The following ZC3H11A variants were observed in gnomAD, a reference collection of about 807,000 sequenced individuals.
ZC3H11A encodes the protein zinc finger CCCH domain-containing protein 11A.
ZC3H11A carries 22 observed loss-of-function variants against 90.8 expected under a neutral mutation model. That is an observed-to-expected ratio of 0.24 (90% CI 0.17 to 0.35). The LOEUF is 0.35. Among genes scored for constraint, ZC3H11A ranks in the 10% least tolerant of loss-of-function variants. The pLI is 1.00. For missense variants in ZC3H11A, 701 were observed against 964.9 expected, an observed-to-expected ratio of 0.73 and a Z score of 3.62; for synonymous variants, 294 against 339.8, an observed-to-expected ratio of 0.87 and a Z score of 1.48.
intron 9 of ZC3H11A, among the ~76,000 whole-genome samples, chr1:203,832,288 C>A (rs967486670): frequency 6.6e-6 from 1 of 151,472 alleles, no homozygotes; most frequent in African/African-American, 2.4e-5. Context: ...CTCAAACTCC[C>A]GACCTCAGGT....
chr1:203,805,127 T>A (rs1025815911), intron 2 of ZC3H11A, among the ~76,000 whole-genome samples: 1 of 148,774 alleles, frequency 6.7e-6, no homozygotes, highest in African/African-American at 2.5e-5. Flanking sequence ...AAATACCCAC[T>A]TCTGATACAG....
chr1:203,848,329 A>C lies in ZC3H11A; in HGVS notation c.1547-2A>C. 1.2e-6 allele frequency: 2 copies of C among 1,611,186 alleles called. No individual in the cohort carries two copies. The highest frequency in any genetic ancestry group is 1.7e-6 in the Non-Finnish European group (2 of 1,178,696). ...CTAATGATGTCTTTAATGTGAATAC[A>C]GGGATGAAAGAAGAGAAGAACCTTC... On this transcript the variant is annotated splice_acceptor_variant, in intron 13 of 17. Coordinates refer to ENST00000367210, the MANE Select transcript of ZC3H11A (RefSeq NM_001376342.1). LOFTEE classifies it high-confidence loss of function.
chr1:203,831,805 C>T, intron 9 of ZC3H11A, 34 bp downstream of exon 9: 4 of 1,538,610 alleles, frequency 2.6e-6, no homozygotes, highest in East Asian at 2.3e-5. Flanking sequence ...GTTGTCAAGC[C>T]TCTACTTTTA....
intron 2 of ZC3H11A, chr1:203,814,871 T>TC (rs377299226): frequency 2.0e-5 from 3 of 152,328 alleles, no homozygotes; most frequent in African/African-American, 7.2e-5. Flanking sequence ...CACTCTGTTG[T>TC]CCAGGATGGA....
At chr1:203,806,021 G>A (rs1672207258) in intron 2 of ZC3H11A, 2 of 547,604 alleles carry the variant, frequency 3.7e-6, no homozygotes, top group African/African-American at 1.9e-5. Flanking sequence ...AATGACTCTT[G>A]GGTGCGATTG....
Position 203,795,705 on chromosome 1 carries a change from C to G in ZC3H11A, c.-1677C>G, listed in dbSNP as rs952216857. 3 of 152,344 alleles carry G rather than the reference C, an allele frequency of 2.0e-5. No homozygotes were observed. The highest frequency in any genetic ancestry group is 2.9e-5 in the Non-Finnish European group (2 of 68,042). 9.4% of individuals were successfully genotyped at this position (152,344 alleles called of 1,614,324 possible). A position where few individuals can be genotyped will look rare whatever the true frequency, so the allele number is the denominator to read the frequency against. ...AGTGCTGCTGCTGCTGGGAGGACGA[C>G]GGACGGCAGCGGCCAAGCAAGAAGA... On this transcript the variant is annotated 5_prime_UTR_variant, in exon 1 of 18. Transcript: ENST00000367210.
intron 2 of ZC3H11A, among the ~76,000 whole-genome samples, chr1:203,804,935 A>G (rs985038599): frequency 6.6e-6 from 1 of 151,902 alleles, no homozygotes. Flanking sequence ...GGCCTCCTAA[A>G]GTGCTGGGAT....
intron 10 of ZC3H11A, among the ~76,000 whole-genome samples, chr1:203,836,834 G>C (rs557337109): frequency 1.3e-5 from 2 of 152,134 alleles, no homozygotes; most frequent in Non-Finnish European, 2.9e-5. Flanking sequence ...CTAACTAGTT[G>C]ATGACTTGGG....
chr1:203,815,216 C>CTTTTTTTTT lies in ZC3H11A; in HGVS notation c.-145-1702_-145-1694dup, dbSNP rs59254922. Among the ~76,000 whole-genome samples, 545 of 97,070 alleles carry CTTTTTTTTT rather than the reference C, an allele frequency of 5.6e-3. 25 individuals carry two copies. Among genetic ancestry groups the CTTTTTTTTT allele is most frequent in the Non-Finnish European group, 6.7e-3 (344 of 51,590 alleles). 63.7% of individuals were successfully genotyped at this position (97,070 alleles called of 152,430 possible). A position where few individuals can be genotyped will look rare whatever the true frequency, so the allele number is the denominator to read the frequency against. Reference sequence around the variant, plus strand: ...TTCATTATTTTCTTCCTTTTCTTTTCTTTTTTTTTTTTTTTTGAGACAGTG... The same window carrying CTTTTTTTTT: ...TTCATTATTTTCTTCCTTTTCTTTTCTTTTTTTTTTTTTTTTTTTTTTTTTGAGACAGTG... On this transcript the variant is annotated intron_variant, in intron 2 of 17. Transcript: ENST00000367210.
At chr1:203,813,059 T>G (rs1487807840) in intron 2 of ZC3H11A, among the ~76,000 whole-genome samples, 1 of 152,178 alleles carries the variant, frequency 6.6e-6, no homozygotes, top group Non-Finnish European at 1.5e-5. Context: ...GTTATATATT[T>G]TGTATATCAG....
At chr1:203,848,571 T>C (rs542415683) in intron 14 of ZC3H11A, among the ~76,000 whole-genome samples, 164 bp downstream of exon 14, 26 of 152,332 alleles carry the variant, frequency 1.7e-4, no homozygotes, top group Admixed American at 6.5e-4. Flanking sequence ...GTTCTATGTA[T>C]ATCAGTATTC....
intron 4 of ZC3H11A, among the ~76,000 whole-genome samples, chr1:203,819,936 T>G (rs928623488): frequency 6.6e-6 from 1 of 151,808 alleles, no homozygotes; most frequent in African/African-American, 2.4e-5. Context: ...TATCTTTTAT[T>G]TTAGAAAGAG....
rs560000196 is a variant in ZC3H11A at position 203,799,307 on chromosome 1, T to C, written c.-1587-2268T>C. 6.8e-4 allele frequency: 484 copies of C among 712,956 alleles called. 5 individuals carry two copies. Among genetic ancestry groups the C allele is most frequent in the South Asian group, 6.3e-3 (425 of 67,794 alleles). 44.2% of individuals were successfully genotyped at this position (712,956 alleles called of 1,614,324 possible). On this transcript the variant is annotated intron_variant, in intron 1 of 17. Coordinates refer to ENST00000367210, the MANE Select transcript of ZC3H11A (RefSeq NM_001376342.1). ...GTTTAAATATGGTCATTCAGGACTT[T>C]TTCTGCGAGCACAAAAGCATTGAGA...
At chr1:203,848,623 C>T (rs1244772038) in intron 14 of ZC3H11A, among the ~76,000 whole-genome samples, 1 of 152,216 alleles carries the variant, frequency 6.6e-6, no homozygotes, top group African/African-American at 2.4e-5. Flanking sequence ...CGCGGTGGCT[C>T]ACGCCTGTAA....
chr1:203,800,029 G>A (rs982801150), intron 1 of ZC3H11A: 1 of 1,535,932 alleles, frequency 6.5e-7, no homozygotes, highest in African/African-American at 1.4e-5. Context: ...CTAAAAGAAG[G>A]CACCTCCAGT....
chr1:203,849,979 T>C lies in ZC3H11A; in HGVS notation c.1892T>C (p.Leu631Ser). Residue 631 changes from leucine to serine, a missense_variant, in exon 15 of 18, where the codon TTA becomes TCA. By Grantham distance (145) the Leu-to-Ser change is moderately radical (BLOSUM62 -2). Coordinates refer to ENST00000367210, the MANE Select transcript of ZC3H11A (RefSeq NM_001376342.1). Reference sequence around the variant, plus strand: ...GAAACCTCAGGGATTGGAGACTCATTATTGAATGTGAAATGTGCAGCACAG... The same window carrying C: ...GAAACCTCAGGGATTGGAGACTCATCATTGAATGTGAAATGTGCAGCACAG... Reference protein sequence around the residue: ...EVETSGIGDSLLNVKCAAQTL... With the variant: ...EVETSGIGDSSLNVKCAAQTL... 2 of 1,613,968 alleles carry C rather than the reference T, an allele frequency of 1.2e-6. No homozygotes were observed. Among genetic ancestry groups the C allele is most frequent in the South Asian group, 2.2e-5 (2 of 91,076 alleles).
intron 10 of ZC3H11A, among the ~76,000 whole-genome samples, chr1:203,834,678 C>T (rs766113869): frequency 9.8e-5 from 15 of 152,314 alleles, no homozygotes; most frequent in South Asian, 2.1e-4. Context: ...AAACGAGAGT[C>T]TTGCTCTGTC....
intron 8 of ZC3H11A, among the ~76,000 whole-genome samples, chr1:203,830,912 T>C (rs987409680): frequency 3.3e-5 from 5 of 150,474 alleles, no homozygotes; most frequent in Non-Finnish European, 7.4e-5. Context: ...TTGCTCTGTA[T>C]TTCCAACCCC....
At position 203,828,563 on chromosome 1, in the gene ZC3H11A, A is replaced by T. The variant is rs905518543; in HGVS notation, c.298+141A>T. On this transcript the variant is annotated intron_variant, in intron 5 of 17. Transcript: ENST00000367210. ...TCCACTTTACAGATAAGTGAACTGA[A>T]TCTTATTAAGGTTAAATGATTTATC... 7.3e-6 allele frequency: 8 copies of T among 1,097,470 alleles called. No homozygotes were observed. In the African/African-American group the frequency reaches 1.3e-4, roughly 17 times the overall value. The allele number at this position is 1,097,470 out of a possible 1,614,324, so 68.0% of individuals were successfully genotyped here.
Sources: gnomAD v4.1 joint callset for allele counts (sites outside exome capture counted in the v4.1 genomes callset) on GRCh38, gnomAD v4.1.1 for gene constraint, MANE v1.5 for transcripts, NCBI Gene and HGNC (gene_info 2026-07-23, HGNC 2026-07-21) for gene names.